CCSER1: variants seen among roughly 807,000 people sequenced by gnomAD.
CCSER1 encodes coiled-coil serine rich protein 1, also known as serine-rich coiled-coil domain-containing protein 1.
CCSER1 carries 41 observed loss-of-function variants against 82.0 expected under a neutral mutation model. The ratio of observed to expected loss-of-function variants is 0.50; its 90% confidence interval spans 0.39 to 0.65. CCSER1 has a LOEUF of 0.65. CCSER1 is among the 30% of genes least tolerant of loss of function. The probability of loss-of-function intolerance (pLI) is 0.00; values close to 1 mark genes in which losing one functional copy is unlikely to be tolerated. For synonymous variants in CCSER1, 414 were observed against 383.9 expected, an observed-to-expected ratio of 1.08 and a Z score of -0.92; for missense variants, 1,119 against 1,064.2, an observed-to-expected ratio of 1.05 and a Z score of -0.72.
intron 8 of CCSER1, among the ~76,000 whole-genome samples, chr4:90,889,782 G>A (rs1382719532): frequency 6.6e-6 from 1 of 152,084 alleles, no homozygotes; most frequent in Non-Finnish European, 1.5e-5. Context: ...CAAGATATAT[G>A]TGTATATATT....
intron 2 of CCSER1, among the ~76,000 whole-genome samples, chr4:90,312,196 G>T (rs940221831): frequency 2.6e-5 from 4 of 152,138 alleles, no homozygotes; most frequent in Admixed American, 6.5e-5. Context: ...TAGGGCTGGA[G>T]CATGCCAGTG....
chr4:90,643,305 C>T (rs1393034998), intron 6 of CCSER1, among the ~76,000 whole-genome samples: 1 of 152,184 alleles, frequency 6.6e-6, no homozygotes, highest in Non-Finnish European at 1.5e-5. Context: ...TCCCATAACA[C>T]TTTGTTTAAG....
At chr4:91,139,877 A>G (rs1728864282) in intron 10 of CCSER1, among the ~76,000 whole-genome samples, 2 of 152,256 alleles carry the variant, frequency 1.3e-5, no homozygotes, top group Middle Eastern at 3.4e-3. Context: ...GTCCATTGAG[A>G]CTAGTTTGCT....
At chr4:90,134,105 TATGTC>T (rs1723259389) in intron 1 of CCSER1, among the ~76,000 whole-genome samples, 1 of 152,258 alleles carries the variant, frequency 6.6e-6, no homozygotes. Context: ...TTTATAATGT[TATGTC>T]ATGTCATTCT....
chr4:90,405,448 A>G (rs542885138), intron 4 of CCSER1, among the ~76,000 whole-genome samples: 2 of 152,332 alleles, frequency 1.3e-5, no homozygotes, highest in East Asian at 1.9e-4. Context: ...TGATGGAATA[A>G]CTGAGGAAAA....
intron 4 of CCSER1, among the ~76,000 whole-genome samples, chr4:90,438,944 T>TTA (rs2153571327): frequency 6.6e-6 from 1 of 152,292 alleles, no homozygotes; most frequent in South Asian, 2.1e-4. Flanking sequence ...ACAGCACTTT[T>TTA]TATACTATTT....
At chr4:90,360,579 C>CAAAAA (rs61140876) in intron 3 of CCSER1, among the ~76,000 whole-genome samples, 33 of 75,952 alleles carry the variant, frequency 4.3e-4, no homozygotes, top group African/African-American at 1.1e-3. Context: ...GACTCCGTCT[C>CAAAAA]AAAAAAAAAA....
rs571519637 is a variant in CCSER1, at chr4:91,243,337, G to A, written c.2217+157343G>A. Among the ~76,000 whole-genome samples the A allele has an allele frequency of 7.2e-5, 11 of 152,308 alleles. No homozygotes were observed. The East Asian group carries it at 1.7e-3, about 24-fold the overall frequency. On this transcript the variant is annotated intron_variant, in intron 10 of 10. Coordinates refer to ENST00000509176, the MANE Select transcript of CCSER1 (RefSeq NM_001145065.2). ...ATTAACTTGAAAGGCAGTCTAGCAC[G>A]CAAGAACTGCAATTTCTAGGCAACT...
At chr4:90,699,747 T>A (rs1737674016) in intron 6 of CCSER1, among the ~76,000 whole-genome samples, 1 of 152,260 alleles carries the variant, frequency 6.6e-6, no homozygotes, top group East Asian at 1.9e-4. Flanking sequence ...CGTTCAAAAT[T>A]CATACATTGA....
intron 9 of CCSER1, among the ~76,000 whole-genome samples, chr4:91,029,428 T>C (rs909657251): frequency 1.3e-5 from 2 of 152,038 alleles, no homozygotes; most frequent in Non-Finnish European, 2.9e-5. Flanking sequence ...CAAATACTTT[T>C]TGAAAAGCAG....
At chr4:91,220,045 A>C (rs1227914821) in intron 10 of CCSER1, among the ~76,000 whole-genome samples, 1 of 152,210 alleles carries the variant, frequency 6.6e-6, no homozygotes, top group Admixed American at 6.5e-5. Flanking sequence ...GGAGATCCAC[A>C]GTTTATCCCT....
At chr4:90,268,910 A>G (rs1725740799) in intron 1 of CCSER1, among the ~76,000 whole-genome samples, 1 of 152,194 alleles carries the variant, frequency 6.6e-6, no homozygotes, top group Admixed American at 6.5e-5. Flanking sequence ...CTTACATCAG[A>G]CAAAATAGAT....
chr4:90,262,348 T>A (rs1724488590), intron 1 of CCSER1, among the ~76,000 whole-genome samples: 1 of 152,218 alleles, frequency 6.6e-6, no homozygotes, highest in South Asian at 2.1e-4. Context: ...CTGTATGAGT[T>A]CGTTTGTTAC....
chr4:91,372,120 T>C (rs1029069797), intron 10 of CCSER1, among the ~76,000 whole-genome samples: 2 of 152,218 alleles, frequency 1.3e-5, no homozygotes, highest in Admixed American at 1.3e-4. Context: ...TGTATGGCTT[T>C]TGATCAATTG....
chr4:90,501,935 G>C (rs1279424456), intron 5 of CCSER1, among the ~76,000 whole-genome samples: 2 of 151,996 alleles, frequency 1.3e-5, no homozygotes, highest in African/African-American at 4.8e-5. Flanking sequence ...ATTGCTGATA[G>C]GACTAATGTA....
chr4:91,543,122 A>C (rs190727459), intron 10 of CCSER1, among the ~76,000 whole-genome samples: 1,527 of 152,044 alleles, frequency 0.01, 19 homozygotes, highest in African/African-American at 0.03. Flanking sequence ...TAGGATTGCA[A>C]CCCCTGCCTT....
intron 7 of CCSER1, among the ~76,000 whole-genome samples, chr4:90,748,966 A>T: frequency 6.7e-6 from 1 of 149,126 alleles, no homozygotes; most frequent in Non-Finnish European, 1.5e-5. Context: ...GGTTGCGAAA[A>T]TTTTCTCCCA....
At chr4:90,313,215 A>G in intron 3 of CCSER1, 168 bp downstream of exon 3, 3 of 607,962 alleles carry the variant, frequency 4.9e-6, no homozygotes, top group Non-Finnish European at 8.6e-6. Context: ...TTTTTCACCT[A>G]GGTCAGGATG....
At chr4:91,234,793 T>G (rs1738877444) in intron 10 of CCSER1, among the ~76,000 whole-genome samples, 1 of 152,142 alleles carries the variant, frequency 6.6e-6, no homozygotes, top group Non-Finnish European at 1.5e-5. Flanking sequence ...TTTATAAATC[T>G]ACATGTTCCC....
Sources: gnomAD v4.1 joint callset for allele counts (sites outside exome capture counted in the v4.1 genomes callset) on GRCh38, gnomAD v4.1.1 for gene constraint, MANE v1.5 for transcripts, NCBI Gene and HGNC (gene_info 2026-07-23, HGNC 2026-07-21) for gene names.